The following HEPHL1 variants were observed in gnomAD, a reference collection of about 807,000 sequenced individuals.
The protein encoded by HEPHL1 is hephaestin like 1.
In HEPHL1, 123 loss-of-function variants were observed where a neutral mutation model predicts 122.0. That is an observed-to-expected ratio of 1.01 (90% CI 0.87 to 1.17). HEPHL1 has a LOEUF of 1.17. Among genes scored for constraint, HEPHL1 ranks in the 50% most tolerant of loss-of-function variants. The pLI is 0.00. For missense variants in HEPHL1, 1,452 were observed against 1,430.5 expected (o/e 1.01, Z -0.24); for synonymous variants, 527 against 508.9 (o/e 1.04, Z -0.48).
intron 10 of HEPHL1, 115 bp downstream of exon 10, chr11:94,082,683 A>C (rs1664013298): frequency 1.1e-6 from 1 of 940,400 alleles, no homozygotes; most frequent in South Asian, 1.8e-5. Flanking sequence ...GTTCTTGGTC[A>C]TGAGTAAGTT....
intron 17 of HEPHL1, among the ~76,000 whole-genome samples, chr11:94,108,672 T>C (rs1754024015): frequency 6.6e-6 from 1 of 152,030 alleles, no homozygotes; most frequent in South Asian, 2.1e-4. Flanking sequence ...TCCCACAGAA[T>C]TGACTCTTTA....
At chr11:94,055,724 C>T in intron 2 of HEPHL1, 1 of 376,236 alleles carries the variant, frequency 2.7e-6, no homozygotes, top group Non-Finnish European at 5.2e-6. Flanking sequence ...TTCTGTAAAT[C>T]TTCACTACCA....
At chr11:94,056,713 C>G (rs1376740102) in intron 2 of HEPHL1, among the ~76,000 whole-genome samples, 2 of 151,258 alleles carry the variant, frequency 1.3e-5, no homozygotes, top group East Asian at 3.9e-4. Flanking sequence ...ATCTATAATG[C>G]CCTTCTCTAA....
chr11:94,074,744 G>A (rs1180423216), intron 8 of HEPHL1, among the ~76,000 whole-genome samples: 2 of 152,138 alleles, frequency 1.3e-5, no homozygotes, highest in Admixed American at 6.6e-5. Flanking sequence ...TTATTTGGAT[G>A]ATTTCCAAGT....
At chr11:94,027,757 T>C (rs1218371703) in intron 1 of HEPHL1, among the ~76,000 whole-genome samples, 2 of 152,210 alleles carry the variant, frequency 1.3e-5, no homozygotes, top group African/African-American at 4.8e-5. Flanking sequence ...ACACACCTTG[T>C]ATATGAAGGG....
In HEPHL1 at chr11:94,078,532, T is replaced by C. The variant is rs374432408; in HGVS notation, c.1716+3147T>C. ...TATGAGGAATTGGCTCATATGATTA[T>C]GGAGACTGATAGATCTCAGCACCTG... On this transcript the variant is annotated intron_variant, in intron 9 of 19. Transcript: ENST00000315765. Among the ~76,000 whole-genome samples the C allele has an allele frequency of 5.3e-5, 8 of 149,612 alleles. No homozygotes were observed. The East Asian group carries it at 1.6e-3, about 30-fold the overall frequency.
chr11:94,063,547 A>G lies in HEPHL1; in HGVS notation c.455A>G (p.Asn152Ser), dbSNP rs948183399. ...YPDGTSGRNK[N>S]DDMVPPGKNY... is the part of the protein sequence containing the mutation. ...GATGGAACATCTGGAAGGAACAAAA[A>G]TGATGACATGGTTCCTCCTGGGAAA... The change falls in exon 3 of 20, where the codon AAT becomes AGT. Residue 152 changes from asparagine (N) to serine (S), a missense_variant. By Grantham distance (46) the Asn-to-Ser change is conservative. Coordinates refer to ENST00000315765, the MANE Select transcript of HEPHL1 (RefSeq NM_001098672.2). 15 of 1,613,016 alleles carry G rather than the reference A, an allele frequency of 9.3e-6. No homozygotes were observed. The highest frequency in any genetic ancestry group is 1.3e-5 in the Non-Finnish European group (15 of 1,179,514).
In HEPHL1 at chr11:94,111,680, TC is replaced by T. The variant is rs757287635; in HGVS notation, c.3278-11del. ...AAATGTCAGGGGCCTGACAAGTTTA[TC>T]TTTTTCACAGAACGACCTGGCAAAG... On this transcript the variant is annotated splice_polypyrimidine_tract_variant and intron_variant, in intron 19 of 19. Coordinates refer to ENST00000315765, the MANE Select transcript of HEPHL1 (RefSeq NM_001098672.2). 8.1e-6 allele frequency: 13 copies of T among 1,612,926 alleles called. No homozygotes were observed. The highest frequency in any genetic ancestry group is 3.3e-4 in the Middle Eastern group (2 of 6,078).
chr11:94,111,157 C>T, intron 18 of HEPHL1, 92 bp downstream of exon 18: 3 of 974,410 alleles, frequency 3.1e-6, no homozygotes, highest in Non-Finnish European at 4.5e-6. Context: ...AGATATAGCC[C>T]TCAACAAGCT....
intron 1 of HEPHL1, among the ~76,000 whole-genome samples, chr11:94,036,518 G>C (rs894286459): frequency 6.6e-6 from 1 of 152,136 alleles, no homozygotes; most frequent in African/African-American, 2.4e-5. Context: ...CAATGCCATA[G>C]AACAGAGCTT....
In HEPHL1 at chr11:94,060,285, G is replaced by GAT. The variant is rs112396301; in HGVS notation, c.416-3214_416-3213dup. ...CATACATACACACATATGCACACAT[G>GAT]ATATATATATGTGTGTGTATATGTA... On this transcript the variant is annotated intron_variant, in intron 2 of 19. Coordinates refer to ENST00000315765, the MANE Select transcript of HEPHL1 (RefSeq NM_001098672.2). 1.6e-3 allele frequency among the ~76,000 whole-genome samples: 239 copies of GAT among 150,832 alleles called. 1 individual carries two copies. The highest frequency in any genetic ancestry group is 5.4e-3 in the African/African-American group (220 of 40,816).
rs904995594 is a variant in HEPHL1, at chr11:94,039,524, T to C, written c.171-6149T>C. 1.3e-5 allele frequency among the ~76,000 whole-genome samples: 2 copies of C among 150,786 alleles called. 1 individual carries two copies. The highest frequency in any genetic ancestry group is 4.9e-5 in the African/African-American group (2 of 40,870). ...AACAGAAATTATAACAAACTATCTC[T>C]CAGACCACAGTGCAATCAAACTACA... On this transcript the variant is annotated intron_variant, in intron 1 of 19. Coordinates refer to ENST00000315765, the MANE Select transcript of HEPHL1 (RefSeq NM_001098672.2).
chr11:94,029,258 G>A (rs1945652630), intron 1 of HEPHL1, among the ~76,000 whole-genome samples: 1 of 152,238 alleles, frequency 6.6e-6, no homozygotes, highest in South Asian at 2.1e-4. Context: ...CCTGGGACAA[G>A]GAGGAAGCTA....
At chr11:94,057,127 T>C (rs948221377) in intron 2 of HEPHL1, among the ~76,000 whole-genome samples, 1 of 152,170 alleles carries the variant, frequency 6.6e-6, no homozygotes, top group Non-Finnish European at 1.5e-5. Flanking sequence ...ATTAATCATA[T>C]TGATGCTCCC....
chr11:94,032,859 C>T lies in HEPHL1; in HGVS notation c.170+11321C>T, dbSNP rs79634103. ...GCAAGTGCATTGAGGGGCAAAACGG[C>T]GGAGTTTAACTGGTATATGACCTTC... On this transcript the variant is annotated intron_variant, in intron 1 of 19. Coordinates refer to ENST00000315765, the MANE Select transcript of HEPHL1 (RefSeq NM_001098672.2). 7.4e-3 allele frequency among the ~76,000 whole-genome samples: 1,130 copies of T among 152,224 alleles called. 18 individuals carry two copies. The highest frequency in any genetic ancestry group is 0.026 in the African/African-American group (1,073 of 41,540).
rs200570692 is a variant in HEPHL1, at chr11:94,075,257, G to T, written c.1588G>T (p.Ala530Ser). Residue 530 changes from alanine to serine, a missense_variant, in exon 9 of 20, where the codon GCT becomes TCT. By Grantham distance (99) the Ala-to-Ser change is moderately conservative. Transcript: ENST00000315765. ...WTVPESVSPT[A>S]GDPPCLTYLY... ...AGTGCCTGAGAGCGTAAGCCCAACT[G>T]CTGGTGATCCTCCCTGTCTGACCTA... 1.2e-6 allele frequency: 2 copies of T among 1,613,490 alleles called. No homozygotes were observed. The highest frequency in any genetic ancestry group is 1.3e-5 in the African/African-American group (1 of 75,022).
intron 13 of HEPHL1, among the ~76,000 whole-genome samples, 160 bp downstream of exon 13, chr11:94,093,800 G>A (rs75238130): frequency 0.015 from 2,237 of 151,410 alleles, 63 homozygotes; most frequent in African/African-American, 0.052. Flanking sequence ...ACCATTATCA[G>A]GGAGTGTGCT....
At chr11:94,095,817 GTT>G (rs1242682281) in intron 13 of HEPHL1, among the ~76,000 whole-genome samples, 21 of 144,960 alleles carry the variant, frequency 1.4e-4, no homozygotes, top group African/African-American at 5.8e-4. Flanking sequence ...TTAGCTCTCT[GTT>G]TGTCTGTTAT....
At position 94,075,529 on chromosome 11, in the gene HEPHL1, T is replaced by G; in HGVS notation, c.1716+144T>G. ...AGTAGATTTCTACATAATGGAGATT[T>G]TATTTGATTTTCTGGTGAAAATGTA... On this transcript the variant is annotated intron_variant, in intron 9 of 19. Coordinates refer to ENST00000315765, the MANE Select transcript of HEPHL1 (RefSeq NM_001098672.2). The G allele has an allele frequency of 7.9e-6, 5 of 629,348 alleles. No individual in the cohort carries two copies. The East Asian group carries it at 1.1e-4, about 14-fold the overall frequency. 39.0% of individuals were successfully genotyped at this position (629,348 alleles called of 1,614,324 possible). A position where few individuals can be genotyped will look rare whatever the true frequency, so the allele number is the denominator to read the frequency against.
Sources: gnomAD v4.1 joint callset for allele counts (sites outside exome capture counted in the v4.1 genomes callset) on GRCh38, gnomAD v4.1.1 for gene constraint, MANE v1.5 for transcripts, NCBI Gene and HGNC (gene_info 2026-07-23, HGNC 2026-07-21) for gene names.